The following FBXO2 variants were observed in gnomAD, a reference collection of about 807,000 sequenced individuals.
The protein encoded by FBXO2 is F-box only protein 2.
In FBXO2, 32 loss-of-function variants were observed where a neutral mutation model predicts 38.6. The ratio of observed to expected loss-of-function variants is 0.83; its 90% CI spans 0.62 to 1.11. The LOEUF is 1.11. Ranked by LOEUF, FBXO2 falls within the 50% of genes most tolerant of loss-of-function variation. The pLI is 0.00. For synonymous variants in FBXO2, 189 were observed against 182.9 expected (o/e 1.03, Z -0.27); for missense variants, 450 against 418.3 (o/e 1.08, Z -0.66).
intron 2 of FBXO2, among the ~76,000 whole-genome samples, 183 bp from the exon 3 acceptor site, chr1:11,650,257 G>A (rs1639491025): frequency 2.6e-5 from 4 of 152,166 alleles, no homozygotes; most frequent in Admixed American, 2.6e-4. Context: ...CCCCCATCCC[G>A]CCCTGCCCCA....
intron 1 of FBXO2, among the ~76,000 whole-genome samples, 181 bp from the exon 2 acceptor site, chr1:11,651,015 C>G (rs948608057): frequency 2.6e-5 from 4 of 152,234 alleles, no homozygotes; most frequent in African/African-American, 9.6e-5. Flanking sequence ...CAGACCAACC[C>G]CGGATCAGCC....
chr1:11,650,004 G>A lies in FBXO2; in HGVS notation c.462C>T (p.Asp154=), dbSNP rs1251118521. The change falls in exon 3 of 6, where the codon GAC becomes GAT. Residue 154 remains aspartate (D), a synonymous_variant. Transcript: ENST00000354287. ...DGWRVEELPG[D]SGVEFTHDES... is the part of the protein sequence containing the mutation. ...CATCGTGGGTGAACTCCACCCCACTGTCTCCAGGCAGCTCCTCCACCCTCC... is the reference window on the plus strand; with the variant it reads ...CATCGTGGGTGAACTCCACCCCACTATCTCCAGGCAGCTCCTCCACCCTCC... The A allele has an allele frequency of 1.9e-6, 3 of 1,614,022 alleles. No homozygotes were observed. The highest frequency in any genetic ancestry group is 1.1e-5 in the South Asian group (1 of 91,080).
At position 11,649,800 on chromosome 1, in the gene FBXO2, G is replaced by A. The variant is rs745424628; in HGVS notation, c.596C>T (p.Pro199Leu). The A allele has an allele frequency of 1.9e-6, 3 of 1,613,688 alleles. No individual in the cohort carries two copies. Among genetic ancestry groups the A allele is most frequent in the Admixed American group, 1.7e-5 (1 of 59,990 alleles). The stretch of plus-strand genomic sequence containing the variant: ...TCACCAGTCCTTCACCACGATGGCC[G>A]GCTGAGTCGTGTCCAGCAGCTCCTC... ...YWEELLDTTQ[P>L]AIVVKDWYSG... The change falls in exon 4 of 6, where the codon CCG becomes CTG. Residue 199 changes from proline (P) to leucine (L), a missense_variant. By Grantham distance (98) the Pro-to-Leu change is moderately conservative. Coordinates refer to ENST00000354287, the MANE Select transcript of FBXO2 (RefSeq NM_012168.6).
At chr1:11,654,092 G>A (rs1166828073) in intron 1 of FBXO2, 1 of 452,224 alleles carries the variant, frequency 2.2e-6, no homozygotes, top group Non-Finnish European at 3.9e-6. Flanking sequence ...GGCTAAATGG[G>A]ACCCAGGAGT....
chr1:11,648,967 C>CTATCT lies in FBXO2; in HGVS notation c.756+115_756+119dup. On this transcript the variant is annotated intron_variant, in intron 5 of 5. Transcript: ENST00000354287. The surrounding 1 kb of genome is among the most constrained non-coding windows in gnomAD (Gnocchi z 4.2). Reference sequence around the variant, plus strand: ...CAGAACTCTCTCCACCACCCGGTGACTATCTCAGCCCAGCCCAGCCCAGCC... The same window carrying CTATCT: ...CAGAACTCTCTCCACCACCCGGTGACTATCTTATCTCAGCCCAGCCCAGCCCAGCC... The CTATCT allele has an allele frequency of 8.0e-7, 1 of 1,255,838 alleles. No homozygotes were observed. Among genetic ancestry groups the CTATCT allele is most frequent in the Non-Finnish European group, 1.1e-6 (1 of 898,646 alleles). 77.8% of individuals were successfully genotyped at this position (1,255,838 alleles called of 1,614,324 possible).
chr1:11,650,939 T>C, intron 1 of FBXO2, 105 bp from the exon 2 acceptor site: 1 of 1,409,058 alleles, frequency 7.1e-7, no homozygotes, highest in Admixed American at 2.8e-5. Flanking sequence ...CGTGGGACAA[T>C]CCACAGCTGG....
rs1639496876 is a variant in FBXO2 at position 11,650,499 on chromosome 1, G to A, written c.358C>T (p.Arg120Cys). Reference sequence around the variant, plus strand: ...CACGGGTTACGCAGAAGGTTGCGGCGCCGCTTGCTCAGGAAGTAGAACTGC... The same window carrying A: ...CACGGGTTACGCAGAAGGTTGCGGCACCGCTTGCTCAGGAAGTAGAACTGC... ...WQQFYFLSKR[R>C]RNLLRNPCGE... The change falls in exon 2 of 6, where the codon CGC (arginine) becomes TGC (cysteine). Residue 120 changes from arginine to cysteine, a missense_variant. Arg to Cys is a radical substitution (Grantham distance 180, BLOSUM62 -3). Transcript: ENST00000354287. The A allele has an allele frequency of 1.2e-6, 2 of 1,608,216 alleles. No individual in the cohort carries two copies. The highest frequency in any genetic ancestry group is 1.3e-5 in the African/African-American group (1 of 74,904).
chr1:11,650,966 A>G, intron 1 of FBXO2, 132 bp from the exon 2 acceptor site: 1 of 1,307,998 alleles, frequency 7.6e-7, no homozygotes, highest in East Asian at 2.9e-5. Flanking sequence ...AGATTCTGTG[A>G]CTCCATACTG....
chr1:11,654,378 G>A lies in FBXO2; in HGVS notation c.-38C>T, dbSNP rs1043673631. ...CGGTCGCGAGAGGAGGAGCCGGAGC[G>A]CTGCGGGCTGCGCGAGTCCCGGGGC... On this transcript the variant is annotated 5_prime_UTR_variant, in exon 1 of 6. Transcript: ENST00000354287. 1.7e-5 allele frequency: 23 copies of A among 1,373,036 alleles called. No homozygotes were observed. Among genetic ancestry groups the A allele is most frequent in the Non-Finnish European group, 2.0e-5 (21 of 1,067,632 alleles). The allele number at this position is 1,373,036 out of a possible 1,614,324, so 85.1% of individuals were successfully genotyped here.
In FBXO2 at chr1:11,648,623, C is replaced by T; in HGVS notation, c.*71G>A. 1 of 1,575,414 alleles carries T rather than the reference C, an allele frequency of 6.3e-7. No homozygotes were observed. Among genetic ancestry groups the T allele is most frequent in the Non-Finnish European group, 8.7e-7 (1 of 1,153,228 alleles). ...TTGGGGAAGGTGAGGACGCTATGGACTAAGTTAAGGCCTATCTACCCTCGA... is the reference window on the plus strand; with the variant it reads ...TTGGGGAAGGTGAGGACGCTATGGATTAAGTTAAGGCCTATCTACCCTCGA... On this transcript the variant is annotated 3_prime_UTR_variant, in exon 6 of 6. Transcript: ENST00000354287. The surrounding 1 kb of genome is among the most constrained non-coding windows in gnomAD (Gnocchi z 4.2).
intron 2 of FBXO2, 29 bp from the exon 3 acceptor site, chr1:11,650,103 TCA>T (rs1639488714): frequency 1.2e-6 from 2 of 1,612,506 alleles, no homozygotes; most frequent in Non-Finnish European, 1.7e-6. Context: ...CCCACCCTGG[TCA>T]CTCAGTCCCT....
rs9614 is a variant in FBXO2 at position 11,650,504 on chromosome 1, T to G, written c.353A>C (p.Lys118Thr). Residue 118 changes from lysine (K) to threonine (T), a missense_variant, in exon 2 of 6, where the codon AAG (lysine) becomes ACG (threonine). Coordinates refer to ENST00000354287, the MANE Select transcript of FBXO2 (RefSeq NM_012168.6). ...DHWQQFYFLSKRRRNLLRNPC... is the reference protein window; with the variant it reads ...DHWQQFYFLSTRRRNLLRNPC... The stretch of plus-strand genomic sequence containing the variant: ...GTTACGCAGAAGGTTGCGGCGCCGC[T>G]TGCTCAGGAAGTAGAACTGCTGCCA... The G allele has an allele frequency of 0.2, 328,058 of 1,606,316 alleles. 35,327 individuals are homozygous for G. The highest frequency in any genetic ancestry group is 0.46 in the East Asian group (20,315 of 44,550).
Position 11,654,316 on chromosome 1 carries a change from T to C in FBXO2, c.22+3A>G, listed in dbSNP as rs1486094408. 1 of 1,472,130 alleles carries C rather than the reference T, an allele frequency of 6.8e-7. No individual in the cohort carries two copies. Among genetic ancestry groups the C allele is most frequent in the Non-Finnish European group, 8.9e-7 (1 of 1,118,458 alleles). The allele number at this position is 1,472,130 out of a possible 1,614,324, so 91.2% of individuals were successfully genotyped here. A position where few individuals can be genotyped will look rare whatever the true frequency, so the allele number is the denominator to read the frequency against. On this transcript the variant is annotated splice_donor_region_variant and intron_variant, in intron 1 of 5. Coordinates refer to ENST00000354287, the MANE Select transcript of FBXO2 (RefSeq NM_012168.6). ...CGCAGCGAGCGGTCCAGGCGTCGGC[T>C]ACCTGGGTCACCGTCTCCGTCCATC...
chr1:11,651,187 A>G (rs183807064), intron 1 of FBXO2, among the ~76,000 whole-genome samples: 34 of 151,712 alleles, frequency 2.2e-4, no homozygotes, highest in Non-Finnish European at 4.4e-4. Context: ...CCTCCCAACC[A>G]CCCTCTGAGA....
chr1:11,650,824 GC>G lies in FBXO2; in HGVS notation c.32del (p.Gly11AlafsTer106). ...CCTCCGGGCTTGCCTCCTCGGGCTG[GC>G]CCACGCTCTCTGCAGGCAGGGATGG... The part of the protein sequence containing the change: MDGDGDPESV[G>X]QPEEASPEEQ... On this transcript the variant is annotated frameshift_variant, in exon 2 of 6. Transcript: ENST00000354287. LOFTEE classifies it high-confidence loss of function. 6.5e-7 allele frequency: 1 copy of G among 1,549,760 alleles called. No individual in the cohort carries two copies. Among genetic ancestry groups the G allele is most frequent in the South Asian group, 1.2e-5 (1 of 85,452 alleles).
At position 11,648,745 on chromosome 1, in the gene FBXO2, C is replaced by T. The variant is rs150122611; in HGVS notation, c.840G>A (p.Lys280=). Residue 280 remains lysine (K), a synonymous_variant, in exon 6 of 6, where the codon AAG becomes AAA. Coordinates refer to ENST00000354287, the MANE Select transcript of FBXO2 (RefSeq NM_012168.6). This position sits in a 1 kb window ranked among gnomAD's most constrained non-coding sequence, Gnocchi z 4.2. ...EHGGQDSVYW[K]GWFGARVTNS... ...TGGTCACCCGGGCCCCGAACCAGCC[C>T]TTCCAGTAGACGGAGTCCTGCCCCC... The T allele has an allele frequency of 3.1e-6, 5 of 1,613,488 alleles. No individual in the cohort carries two copies. The African/African-American group carries it at 6.7e-5, about 22-fold the overall frequency.
chr1:11,651,428 G>A (rs12045158), intron 1 of FBXO2, among the ~76,000 whole-genome samples: 7,227 of 152,192 alleles, frequency 0.047, 708 homozygotes, highest in East Asian at 0.45. Flanking sequence ...CATGTTTTGG[G>A]GGCACTCATC....
rs1299354409 is a variant in FBXO2, at chr1:11,649,873, A to C, written c.523T>G (p.Trp175Gly). 1 of 1,613,956 alleles carries C rather than the reference A, an allele frequency of 6.2e-7. No homozygotes were observed. Among genetic ancestry groups the C allele is most frequent in the African/African-American group, 1.3e-5 (1 of 75,026 alleles). The change falls in exon 4 of 6, where the codon TGG (tryptophan) becomes GGG (glycine). Residue 175 changes from tryptophan (W) to glycine (G), a missense_variant and splice_region_variant. Transcript: ENST00000354287. ...VKKYFASSFE[W>G]CRKAQVIDLQ... ...TCAATGACCTGTGCTTTGCGACACC[A>C]CCTGGGAGAACTGGAGTTAGGACAG... is the stretch of plus-strand genomic sequence containing the variant.
intron 4 of FBXO2, 136 bp from the exon 5 acceptor site, chr1:11,649,361 C>T (rs1214322305): frequency 1.4e-6 from 1 of 724,690 alleles, no homozygotes; most frequent in Non-Finnish European, 2.3e-6. Flanking sequence ...TCAGCCAGCA[C>T]TGCCAGTGTT....
Sources: allele counts gnomAD v4.1 joint callset (sites outside exome capture counted in the v4.1 genomes callset), GRCh38; gene constraint gnomAD v4.1.1; non-coding constraint Gnocchi (gnomAD v3.1); transcripts MANE v1.5; gene names NCBI Gene and HGNC (gene_info 2026-07-23, HGNC 2026-07-21).